ARHGAP5: variants seen among roughly 807,000 people sequenced by gnomAD.
The protein encoded by ARHGAP5 is Rho GTPase activating protein 5.
Under a neutral mutation model 116.6 loss-of-function variants are expected in ARHGAP5, and 23 were observed. The ratio of observed to expected loss-of-function variants is 0.20; its 90% CI spans 0.14 to 0.28. The LOEUF (loss-of-function observed/expected upper bound fraction) is 0.28, where lower values mean the gene tolerates loss of function less well. Ranked by LOEUF, ARHGAP5 falls within the 10% of genes least tolerant of loss-of-function variation. The probability of loss-of-function intolerance (pLI) is 1.00; values close to 1 mark genes in which losing one functional copy is unlikely to be tolerated. For synonymous variants in ARHGAP5, 574 were observed against 602.0 expected, an observed-to-expected ratio of 0.95 and a Z score of 0.68; for missense variants, 1,405 against 1,774.8, an observed-to-expected ratio of 0.79 and a Z score of 3.74.
Position 32,077,326 on chromosome 14 carries a change from G to C in ARHGAP5, c.-278G>C, listed in dbSNP as rs1011917189. 1 of 695,812 alleles carries C rather than the reference G, an allele frequency of 1.4e-6. No individual in the cohort carries two copies. Among genetic ancestry groups the C allele is most frequent in the South Asian group, 1.5e-5 (1 of 67,218 alleles). 43.1% of individuals were successfully genotyped at this position (695,812 alleles called of 1,614,324 possible). ...GCCGAGGAAGAGAGGCGAGCGGAGAGTGGAGGAGGAGGCGGCGGCGGCGGG... is the reference window on the plus strand; with the variant it reads ...GCCGAGGAAGAGAGGCGAGCGGAGACTGGAGGAGGAGGCGGCGGCGGCGGG... On this transcript the variant is annotated 5_prime_UTR_variant, in exon 1 of 7. Transcript: ENST00000345122.
intron 3 of ARHGAP5, among the ~76,000 whole-genome samples, chr14:32,118,090 T>C (rs1425688911): frequency 1.3e-5 from 2 of 152,212 alleles, no homozygotes; most frequent in Non-Finnish European, 2.9e-5. Flanking sequence ...ATACTCTTGT[T>C]CTCGCTAAAA....
intron 1 of ARHGAP5, among the ~76,000 whole-genome samples, chr14:32,086,688 A>G (rs2041832628): frequency 6.6e-6 from 1 of 151,922 alleles, no homozygotes; most frequent in South Asian, 2.1e-4. Flanking sequence ...ATTTTTTTAG[A>G]TTCCTTGTAG....
intron 3 of ARHGAP5, among the ~76,000 whole-genome samples, chr14:32,118,893 T>A (rs1451112934): frequency 6.6e-6 from 1 of 152,186 alleles, no homozygotes; most frequent in Non-Finnish European, 1.5e-5. Flanking sequence ...TTTCTATTTC[T>A]TGAATATTTC....
At chr14:32,115,467 T>C (rs1879509797) in intron 2 of ARHGAP5, among the ~76,000 whole-genome samples, 1 of 151,074 alleles carries the variant, frequency 6.6e-6, no homozygotes, top group Non-Finnish European at 1.5e-5. Flanking sequence ...ATGGAGACTA[T>C]CCTGGCCAAC....
intron 3 of ARHGAP5, among the ~76,000 whole-genome samples, chr14:32,141,718 C>T (rs1594390669): frequency 5.3e-5 from 8 of 152,156 alleles, no homozygotes; most frequent in African/African-American, 1.2e-4. Context: ...TCTCAACTTT[C>T]GTTTATCTAA....
At chr14:32,080,962 C>T (rs1239267802) in intron 1 of ARHGAP5, among the ~76,000 whole-genome samples, 1 of 152,108 alleles carries the variant, frequency 6.6e-6, no homozygotes, top group Non-Finnish European at 1.5e-5. Flanking sequence ...CTTAGAGTCT[C>T]AAGCTTTTCA....
rs1377930261 is a variant in ARHGAP5, at chr14:32,157,140, T to A, written c.*2192T>A. 1.3e-5 allele frequency: 2 copies of A among 152,276 alleles called. No individual in the cohort carries two copies. Among genetic ancestry groups the A allele is most frequent in the Non-Finnish European group, 3.0e-5 (2 of 67,792 alleles). 9.4% of individuals were successfully genotyped at this position (152,276 alleles called of 1,614,324 possible). A position where few individuals can be genotyped will look rare whatever the true frequency, so the allele number is the denominator to read the frequency against. On this transcript the variant is annotated 3_prime_UTR_variant, in exon 7 of 7. Transcript: ENST00000345122. ...TTGATTTGACACACTTCATAGTGAG[T>A]CATTTAAATACTCTACGTTTGGTTC...
intron 2 of ARHGAP5, among the ~76,000 whole-genome samples, chr14:32,100,766 A>C (rs1344393380): frequency 6.6e-6 from 1 of 152,180 alleles, no homozygotes; most frequent in Non-Finnish European, 1.5e-5. Flanking sequence ...AAAAAGAAGT[A>C]CTTTTTTACT....
intron 3 of ARHGAP5, among the ~76,000 whole-genome samples, chr14:32,133,375 G>A (rs1163560985): frequency 7.2e-5 from 11 of 152,190 alleles, no homozygotes; most frequent in Middle Eastern, 6.8e-3. Context: ...CTCATGATTT[G>A]GCTCTCTGTC....
intron 2 of ARHGAP5, among the ~76,000 whole-genome samples, chr14:32,106,067 C>T (rs1289486085): frequency 1.3e-5 from 2 of 152,162 alleles, no homozygotes; most frequent in Non-Finnish European, 2.9e-5. Flanking sequence ...TTGTCATGAA[C>T]ATTCGAATAC....
intron 3 of ARHGAP5, among the ~76,000 whole-genome samples, chr14:32,127,640 G>C (rs1235631664): frequency 6.6e-6 from 1 of 152,074 alleles, no homozygotes; most frequent in South Asian, 2.1e-4. Context: ...TTTTCTATTC[G>C]ACAAAACCGC....
At chr14:32,115,663 CAA>C (rs60051497) in intron 2 of ARHGAP5, among the ~76,000 whole-genome samples, 156 of 39,936 alleles carry the variant, frequency 3.9e-3, no homozygotes, top group African/African-American at 0.013. Context: ...GACTCCGTCT[CAA>C]AAAAAAAAAA....
intron 2 of ARHGAP5, among the ~76,000 whole-genome samples, chr14:32,099,371 A>G (rs1878687484): frequency 6.6e-6 from 1 of 152,216 alleles, no homozygotes; most frequent in African/African-American, 2.4e-5. Context: ...ATGGTAATAG[A>G]TGAAATCTCC....
At position 32,158,180 on chromosome 14, in the gene ARHGAP5, AATT is replaced by A. The variant is rs1349225543; in HGVS notation, c.*3234_*3236del. 6.6e-6 allele frequency: 1 copy of A among 151,766 alleles called. No homozygotes were observed. Among genetic ancestry groups the A allele is most frequent in the Non-Finnish European group, 1.5e-5 (1 of 67,756 alleles). The allele number at this position is 151,766 out of a possible 1,614,324, so 9.4% of individuals were successfully genotyped here. A position where few individuals can be genotyped will look rare whatever the true frequency, so the allele number is the denominator to read the frequency against. ...CTATTTTTACCATTTCATTGGTAAA[AATT>A]AGCTAATTTTTTTCAAGTGAAATGA... On this transcript the variant is annotated 3_prime_UTR_variant, in exon 7 of 7. Transcript: ENST00000345122.
chr14:32,152,531 A>G lies in ARHGAP5; in HGVS notation c.4181+3A>G. On this transcript the variant is annotated splice_donor_region_variant and intron_variant, in intron 6 of 6. Transcript: ENST00000345122. ...TACGTGATAACACATCTAAACAGGT[A>G]TTTTTATTTTTTTAGGGTTTTTTGG... 6.6e-7 allele frequency: 1 copy of G among 1,514,436 alleles called. No individual in the cohort carries two copies. 93.8% of individuals were successfully genotyped at this position (1,514,436 alleles called of 1,614,324 possible). A position where few individuals can be genotyped will look rare whatever the true frequency, so the allele number is the denominator to read the frequency against.
intron 2 of ARHGAP5, among the ~76,000 whole-genome samples, chr14:32,106,817 G>A (rs1461826491): frequency 6.6e-6 from 1 of 152,128 alleles, no homozygotes; most frequent in Non-Finnish European, 1.5e-5. Context: ...ATTAACAAGT[G>A]CCTAATAGAT....
rs766375713 is a variant in ARHGAP5, at chr14:32,091,041, G to T, written c.372G>T (p.Leu124Phe). 2 of 1,613,614 alleles carry T rather than the reference G, an allele frequency of 1.2e-6. No individual in the cohort carries two copies. Among genetic ancestry groups the T allele is most frequent in the Non-Finnish European group, 1.7e-6 (2 of 1,179,662 alleles). The change falls in exon 2 of 7, where the codon TTG becomes TTT. Residue 124 changes from leucine to phenylalanine, a missense_variant. Physicochemically the swap from Leu to Phe is conservative, Grantham distance 22. Around this residue, in one of 6 missense-constraint regions of ARHGAP5, gnomAD observed 190 missense variants for 314.9 expected, o/e 0.60. Coordinates refer to ENST00000345122, the MANE Select transcript of ARHGAP5 (RefSeq NM_001030055.2). ...TAAAACGTGCAGCTGCATCTAAATTGCAGTCAGCAGAAAAACTAATGTACA... is the reference window on the plus strand; with the variant it reads ...TAAAACGTGCAGCTGCATCTAAATTTCAGTCAGCAGAAAAACTAATGTACA... Reference protein sequence around the residue: ...PYIKRAAASKLQSAEKLMYIC... With the variant: ...PYIKRAAASKFQSAEKLMYIC...
intron 1 of ARHGAP5, among the ~76,000 whole-genome samples, chr14:32,083,429 G>A (rs2041797885): frequency 6.6e-6 from 1 of 152,246 alleles, no homozygotes; most frequent in Non-Finnish European, 1.5e-5. Context: ...TGTGCAGCAT[G>A]CAAAGCCTAA....
Position 32,090,726 on chromosome 14 carries a change from A to G in ARHGAP5, c.57A>G (p.Gly19=), listed in dbSNP as rs1309363749. 6.2e-7 allele frequency: 1 copy of G among 1,613,314 alleles called. No individual in the cohort carries two copies. Among genetic ancestry groups the G allele is most frequent in the African/African-American group, 1.3e-5 (1 of 74,874 alleles). ...CATCCTATACCATCAGTATAGTTGG[A>G]CTCTCTGGGACTGAAAAAGACAAAG... ...RPPSYTISIV[G]LSGTEKDKGN... is the part of the protein sequence containing the mutation. The change falls in exon 2 of 7, where the codon GGA becomes GGG. Residue 19 remains glycine, a synonymous_variant. Transcript: ENST00000345122.
Sources: gnomAD v4.1 joint callset for allele counts (sites outside exome capture counted in the v4.1 genomes callset) on GRCh38, gnomAD v4.1.1 for gene constraint, gnomAD v4.1.1 regional missense constraint, MANE v1.5 for transcripts, NCBI Gene and HGNC (gene_info 2026-07-23, HGNC 2026-07-21) for gene names.